CDH12: variants seen among roughly 807,000 people sequenced by gnomAD.
The protein encoded by CDH12 is cadherin-12.
In CDH12, 41 loss-of-function variants were observed where a neutral mutation model predicts 74.1. The ratio of observed to expected loss-of-function variants is 0.55; its 90% CI spans 0.43 to 0.72. CDH12 has a LOEUF of 0.72. Among genes scored for constraint, CDH12 ranks in the 30% least tolerant of loss-of-function variants. The pLI, the probability that CDH12 is intolerant of heterozygous loss-of-function variation, is 0.00. For synonymous variants in CDH12, 399 were observed against 355.0 expected (o/e 1.12, Z -1.39); for missense variants, 945 against 977.2 (o/e 0.97, Z 0.44).
At chr5:21,818,276 T>C (rs1748174695) in intron 8 of CDH12, among the ~76,000 whole-genome samples, 1 of 151,774 alleles carries the variant, frequency 6.6e-6, no homozygotes, top group African/African-American at 2.4e-5. Flanking sequence ...TACACATTTG[T>C]GGAAAATAAA....
chr5:21,812,280 T>G (rs1278316424), intron 9 of CDH12, among the ~76,000 whole-genome samples: 1 of 152,070 alleles, frequency 6.6e-6, no homozygotes, highest in Non-Finnish European at 1.5e-5. Flanking sequence ...GAATATATAT[T>G]TGGGACTTTC....
intron 3 of CDH12, among the ~76,000 whole-genome samples, chr5:22,218,987 C>T (rs1454855346): frequency 6.6e-6 from 1 of 151,666 alleles, no homozygotes; most frequent in Non-Finnish European, 1.5e-5. Flanking sequence ...AACTTAATGT[C>T]CTAGTATCTA....
chr5:22,712,789 G>A (rs1361444796), intron 1 of CDH12, among the ~76,000 whole-genome samples: 1 of 152,102 alleles, frequency 6.6e-6, no homozygotes, highest in Admixed American at 6.5e-5. Flanking sequence ...GCTAGGATGT[G>A]TACAAAAGAA....
rs1256345399 is a variant in CDH12 at position 22,189,773 on chromosome 5, A to G, written c.-187+22725T>C. Among the ~76,000 whole-genome samples, 4 of 152,210 alleles carry G rather than the reference A, an allele frequency of 2.6e-5. No individual in the cohort carries two copies. The East Asian group carries it at 5.8e-4, about 22-fold the overall frequency. On this transcript the variant is annotated intron_variant, in intron 4 of 14. Transcript: ENST00000382254. ...TTCCTATTTTTAATCATAGTGCTCA[A>G]TAGTGGCACATGCAATGGCTTGAGA...
chr5:22,629,082 G>A (rs937143537), intron 1 of CDH12, among the ~76,000 whole-genome samples: 1 of 151,860 alleles, frequency 6.6e-6, no homozygotes, highest in African/African-American at 2.4e-5. Context: ...GAAAAATAAT[G>A]AGTTACAAAA....
At chr5:22,383,473 A>G (rs963181589) in intron 3 of CDH12, among the ~76,000 whole-genome samples, 7 of 152,206 alleles carry the variant, frequency 4.6e-5, no homozygotes, top group Non-Finnish European at 8.8e-5. Flanking sequence ...TTGAGAGAAC[A>G]TAAGCAAAGG....
intron 1 of CDH12, among the ~76,000 whole-genome samples, chr5:22,811,262 T>G (rs1352615874): frequency 6.6e-6 from 1 of 152,080 alleles, no homozygotes; most frequent in Non-Finnish European, 1.5e-5. Flanking sequence ...AGGGCAATAG[T>G]CTTGGGATTT....
At position 21,986,400 on chromosome 5, in the gene CDH12, G is replaced by C. The variant is rs560504679; in HGVS notation, c.232-11015C>G. 1.2e-4 allele frequency among the ~76,000 whole-genome samples: 19 copies of C among 152,148 alleles called. No homozygotes were observed. The East Asian group carries it at 3.7e-3, about 29-fold the overall frequency. On this transcript the variant is annotated intron_variant, in intron 5 of 14. Coordinates refer to ENST00000382254, the MANE Select transcript of CDH12 (RefSeq NM_004061.5). ...CAGATTGTCATATTTTGCAACTTTA[G>C]CTCACTCCAATTATAATCTCTCATT...
At chr5:22,016,064 A>T (rs1413882456) in intron 5 of CDH12, among the ~76,000 whole-genome samples, 1 of 152,076 alleles carries the variant, frequency 6.6e-6, no homozygotes, top group African/African-American at 2.4e-5. Context: ...CTATTAAGAT[A>T]TGGCTATTGG....
chr5:22,761,870 T>C (rs1271402646), intron 1 of CDH12, among the ~76,000 whole-genome samples: 1 of 152,098 alleles, frequency 6.6e-6, no homozygotes, highest in Non-Finnish European at 1.5e-5. Context: ...GTGTCAGACT[T>C]AGCATGTGTT....
At chr5:21,765,724 A>C (rs1294555559) in intron 11 of CDH12, among the ~76,000 whole-genome samples, 1 of 152,128 alleles carries the variant, frequency 6.6e-6, no homozygotes, top group Non-Finnish European at 1.5e-5. Flanking sequence ...ACTTCCTAGT[A>C]TCAGAAAGAC....
intron 1 of CDH12, among the ~76,000 whole-genome samples, chr5:22,823,332 A>C (rs536287355): frequency 6.6e-6 from 1 of 152,118 alleles, no homozygotes; most frequent in African/African-American, 2.4e-5. Context: ...ATGTATACAT[A>C]TGTAACAAAC....
chr5:21,871,313 T>C (rs959125379), intron 6 of CDH12, among the ~76,000 whole-genome samples: 9 of 152,192 alleles, frequency 5.9e-5, no homozygotes, highest in African/African-American at 2.2e-4. Context: ...TTTAGTTCCC[T>C]CATTTGCAGA....
At chr5:22,562,917 T>C (rs1054004205) in intron 1 of CDH12, among the ~76,000 whole-genome samples, 5 of 148,134 alleles carry the variant, frequency 3.4e-5, no homozygotes, top group Admixed American at 6.7e-5. Context: ...TATGCACATA[T>C]ATCAACATCT....
intron 1 of CDH12, among the ~76,000 whole-genome samples, chr5:22,620,044 A>T (rs2126838565): frequency 6.6e-6 from 1 of 152,198 alleles, no homozygotes; most frequent in South Asian, 2.1e-4. Context: ...ATATTTTAAA[A>T]CTTTGTCAAT....
At chr5:21,913,439 A>G (rs561929389) in intron 6 of CDH12, among the ~76,000 whole-genome samples, 1 of 152,242 alleles carries the variant, frequency 6.6e-6, no homozygotes, top group African/African-American at 2.4e-5. Flanking sequence ...TCTGGGAAAG[A>G]AAAAGAGAGT....
At chr5:22,005,236 T>A (rs1736872416) in intron 5 of CDH12, among the ~76,000 whole-genome samples, 1 of 152,128 alleles carries the variant, frequency 6.6e-6, no homozygotes, top group Admixed American at 6.6e-5. Context: ...AGAGTCAAGG[T>A]TTCGCCATGT....
chr5:22,777,275 T>A (rs2126333408), intron 1 of CDH12, among the ~76,000 whole-genome samples: 2 of 152,324 alleles, frequency 1.3e-5, no homozygotes, highest in African/African-American at 4.8e-5. Flanking sequence ...AAATCTTCAT[T>A]GCATTACACT....
At chr5:22,085,438 A>C (rs1743001057) in intron 4 of CDH12, among the ~76,000 whole-genome samples, 1 of 152,146 alleles carries the variant, frequency 6.6e-6, no homozygotes, top group African/African-American at 2.4e-5. Context: ...GTTAATTATT[A>C]AAAGGTGTTC....
Sources: allele counts gnomAD v4.1 joint callset (sites outside exome capture counted in the v4.1 genomes callset), GRCh38; gene constraint gnomAD v4.1.1; transcripts MANE v1.5; gene names NCBI Gene and HGNC (gene_info 2026-07-23, HGNC 2026-07-21).